The following HSD17B12 variants were observed in gnomAD, a reference collection of about 807,000 sequenced individuals.
The protein encoded by HSD17B12 is very-long-chain 3-oxoacyl-CoA reductase.
HSD17B12 carries 32 observed loss-of-function variants against 39.3 expected under a neutral mutation model. That is an observed-to-expected ratio of 0.81 (90% CI 0.61 to 1.09). The LOEUF (loss-of-function observed/expected upper bound fraction) is 1.09, where lower values mean the gene tolerates loss of function less well. Among genes scored for constraint, HSD17B12 ranks in the 50% least tolerant of loss-of-function variants. The pLI is 0.00. For missense variants in HSD17B12, 342 were observed against 382.9 expected (o/e 0.89, Z 0.89); for synonymous variants, 150 against 146.7 (o/e 1.02, Z -0.16).
intron 1 of HSD17B12, among the ~76,000 whole-genome samples, chr11:43,702,711 C>T (rs535939196): frequency 6.6e-6 from 1 of 152,236 alleles, no homozygotes; most frequent in East Asian, 1.9e-4. Context: ...GCAAGCTTGT[C>T]CAATCTGCGG....
chr11:43,735,579 A>G (rs1424605700), intron 1 of HSD17B12, among the ~76,000 whole-genome samples: 11 of 152,142 alleles, frequency 7.2e-5, no homozygotes, highest in Non-Finnish European at 1.5e-4. Flanking sequence ...CCTTTGCCCA[A>G]TTTTAAAATT....
the HSD17B12 span, among the ~76,000 whole-genome samples, chr11:43,631,587 C>G: frequency 6.8e-5 from 10 of 146,366 alleles, no homozygotes; most frequent in Admixed American, 1.4e-4. Flanking sequence ...CTCTCTCTCT[C>G]TCTGTCTCTC....
chr11:43,849,453 C>A (rs1951510836), intron 9 of HSD17B12, among the ~76,000 whole-genome samples: 1 of 152,162 alleles, frequency 6.6e-6, no homozygotes, highest in Non-Finnish European at 1.5e-5. Flanking sequence ...ATGTCCCCTC[C>A]CCACCTTCCT....
intron 2 of HSD17B12, among the ~76,000 whole-genome samples, chr11:43,751,994 G>A (rs894689132): frequency 1.3e-5 from 2 of 151,992 alleles, no homozygotes; most frequent in African/African-American, 2.4e-5. Flanking sequence ...TTTTTTAATC[G>A]TTGTTTTTCC....
At chr11:43,746,200 T>A (rs1950411311) in intron 1 of HSD17B12, among the ~76,000 whole-genome samples, 1 of 152,158 alleles carries the variant, frequency 6.6e-6, no homozygotes, top group Non-Finnish European at 1.5e-5. Flanking sequence ...TATTTAAAAA[T>A]TTTTTCTTTA....
the HSD17B12 span, among the ~76,000 whole-genome samples, chr11:43,651,459 A>G: frequency 6.6e-6 from 1 of 152,202 alleles, no homozygotes; most frequent in Admixed American, 6.5e-5. Flanking sequence ...AGGCAATCTC[A>G]TATTTTGTTG....
At chr11:43,844,626 G>T (rs986052020) in intron 9 of HSD17B12, among the ~76,000 whole-genome samples, 2 of 152,040 alleles carry the variant, frequency 1.3e-5, no homozygotes, top group African/African-American at 4.8e-5. Context: ...TGACTGGCTA[G>T]GTAGTGGGCC....
At chr11:43,690,379 TATATATATATATATATATATATA>T (rs1949845063) in intron 1 of HSD17B12, among the ~76,000 whole-genome samples, 8 of 12,868 alleles carry the variant, frequency 6.2e-4, no homozygotes, top group Middle Eastern at 0.014. Context: ...TATATATATA[TATATATATATATATATATATATA>T]TATTTTTTTT....
chr11:43,762,208 G>GT (rs1213493041), intron 3 of HSD17B12, among the ~76,000 whole-genome samples: 2 of 152,112 alleles, frequency 1.3e-5, no homozygotes, highest in African/African-American at 4.8e-5. Context: ...AAAATATTAA[G>GT]TTTTTTCTGG....
chr11:43,803,264 G>C (rs979373528), intron 4 of HSD17B12, among the ~76,000 whole-genome samples: 2 of 152,014 alleles, frequency 1.3e-5, no homozygotes, highest in African/African-American at 4.8e-5. Flanking sequence ...TTTCTCTTAT[G>C]ATTACCTGAA....
At chr11:43,757,072 A>G (rs1033879808) in intron 3 of HSD17B12, among the ~76,000 whole-genome samples, 2 of 152,240 alleles carry the variant, frequency 1.3e-5, no homozygotes, top group Admixed American at 1.3e-4. Context: ...GAGGAGATTT[A>G]TAAGTTAAGA....
intron 4 of HSD17B12, chr11:43,806,370 G>A (rs1214355300): frequency 1.3e-5 from 2 of 152,084 alleles, no homozygotes; most frequent in African/African-American, 2.4e-5. Flanking sequence ...TCAATATATT[G>A]AAGAGATATC....
At chr11:43,689,961 T>C (rs1410840777) in intron 1 of HSD17B12, among the ~76,000 whole-genome samples, 1 of 152,190 alleles carries the variant, frequency 6.6e-6, no homozygotes, top group Admixed American at 6.5e-5. Context: ...TGAACAACCT[T>C]GGCATTGTTG....
the HSD17B12 span, among the ~76,000 whole-genome samples, chr11:43,577,293 A>T: frequency 6.6e-6 from 1 of 152,128 alleles, no homozygotes; most frequent in Admixed American, 6.5e-5. Context: ...AGGGTTAAGG[A>T]TGTTCAAAGG....
chr11:43,649,291 A>C, the HSD17B12 span, among the ~76,000 whole-genome samples: 29 of 152,162 alleles, frequency 1.9e-4, no homozygotes, highest in East Asian at 5.6e-3. Flanking sequence ...TTAATTTTAA[A>C]ATATTTGAGA....
the HSD17B12 span, among the ~76,000 whole-genome samples, chr11:43,565,114 G>A: frequency 6.6e-6 from 1 of 152,104 alleles, no homozygotes; most frequent in Non-Finnish European, 1.5e-5. Flanking sequence ...TGGCCAGGTT[G>A]GTCTTGAACT....
At chr11:43,738,061 A>G (rs1205657240) in intron 1 of HSD17B12, among the ~76,000 whole-genome samples, 2 of 151,228 alleles carry the variant, frequency 1.3e-5, no homozygotes, top group Non-Finnish European at 2.9e-5. Flanking sequence ...TGTCCCAAAA[A>G]AAAAAAAAAA....
chr11:43,635,283 T>A, the HSD17B12 span, among the ~76,000 whole-genome samples: 1 of 152,170 alleles, frequency 6.6e-6, no homozygotes, highest in Non-Finnish European at 1.5e-5. Flanking sequence ...GAGATAATAT[T>A]TTTTGTGCAT....
intron 2 of HSD17B12, among the ~76,000 whole-genome samples, 188 bp downstream of exon 2, chr11:43,751,145 C>G (rs1950461499): frequency 6.6e-6 from 1 of 152,020 alleles, no homozygotes; most frequent in African/African-American, 2.4e-5. Context: ...TTTTTTGAAA[C>G]AAATTTCATG....
Sources: gnomAD v4.1 joint callset for allele counts (sites outside exome capture counted in the v4.1 genomes callset) on GRCh38, gnomAD v4.1.1 for gene constraint, MANE v1.5 for transcripts, NCBI Gene and HGNC (gene_info 2026-07-23, HGNC 2026-07-21) for gene names.